The following ZNRF2 variants were observed in gnomAD, a reference collection of about 807,000 sequenced individuals.
ZNRF2 encodes the protein E3 ubiquitin-protein ligase ZNRF2.
Under a neutral mutation model 20.4 loss-of-function variants are expected in ZNRF2, and 16 were observed. That is an observed-to-expected ratio of 0.79 (90% CI 0.53 to 1.19). The LOEUF is 1.19. Among genes scored for constraint, ZNRF2 ranks in the 50% most tolerant of loss-of-function variants. The probability of loss-of-function intolerance (pLI) is 0.00; values close to 1 mark genes in which losing one functional copy is unlikely to be tolerated. For missense variants in ZNRF2, 363 were observed against 332.4 expected (o/e 1.09, Z -0.72); for synonymous variants, 178 against 144.9 (o/e 1.23, Z -1.64).
chr7:30,296,112 A>C (rs1054049519), intron 1 of ZNRF2, among the ~76,000 whole-genome samples: 15 of 152,240 alleles, frequency 9.9e-5, no homozygotes, highest in African/African-American at 2.9e-4. Context: ...GTTTTAAGGT[A>C]AGATTATTAT....
chr7:30,321,870 G>GT (rs1300063283), intron 1 of ZNRF2, among the ~76,000 whole-genome samples: 1 of 152,056 alleles, frequency 6.6e-6, no homozygotes, highest in Non-Finnish European at 1.5e-5. Context: ...GGCCATTATA[G>GT]TTTTTTTGTA....
intron 2 of ZNRF2, among the ~76,000 whole-genome samples, chr7:30,342,490 G>A (rs771162247): frequency 3.3e-5 from 5 of 152,126 alleles, no homozygotes; most frequent in East Asian, 3.8e-4. Flanking sequence ...TTTGTGAAGC[G>A]TAGCTTGACT....
intron 1 of ZNRF2, among the ~76,000 whole-genome samples, chr7:30,292,655 A>G (rs1798932139): frequency 6.6e-6 from 1 of 152,110 alleles, no homozygotes; most frequent in Non-Finnish European, 1.5e-5. Flanking sequence ...TGACAAGGTG[A>G]CAATTCAAGC....
intron 2 of ZNRF2, among the ~76,000 whole-genome samples, chr7:30,339,216 T>TTGCC (rs2127951527): frequency 6.6e-6 from 1 of 152,342 alleles, no homozygotes; most frequent in East Asian, 1.9e-4. Flanking sequence ...ATTCTATAGG[T>TTGCC]TGCCTGTTCA....
At chr7:30,353,722 A>G (rs146221995) in intron 2 of ZNRF2, among the ~76,000 whole-genome samples, 1 of 152,114 alleles carries the variant, frequency 6.6e-6, no homozygotes, top group East Asian at 1.9e-4. Context: ...TCGATGTTGC[A>G]TCATAGTTTG....
rs1460600077 is a variant in ZNRF2, at chr7:30,285,786, C to T, written c.429C>T (p.Ile143=). The T allele has an allele frequency of 3.3e-6, 5 of 1,514,622 alleles. No homozygotes were observed. In the South Asian group the frequency reaches 3.8e-5, roughly 12 times the overall value. 93.8% of individuals were successfully genotyped at this position (1,514,622 alleles called of 1,614,324 possible). Residue 143 remains isoleucine, a synonymous_variant, in exon 1 of 5, where the codon ATC becomes ATT. Coordinates refer to ENST00000323037, the MANE Select transcript of ZNRF2 (RefSeq NM_147128.4). ...GCCCCGGCGGGCCGCGCCTGGTGATCGGCTCCTTACCAGCTCACCTCTCGC... is the reference window on the plus strand; with the variant it reads ...GCCCCGGCGGGCCGCGCCTGGTGATTGGCTCCTTACCAGCTCACCTCTCGC... ...GGSPGGPRLV[I]GSLPAHLSPH...
At chr7:30,315,038 G>C (rs553804846) in intron 1 of ZNRF2, among the ~76,000 whole-genome samples, 1 of 151,924 alleles carries the variant, frequency 6.6e-6, no homozygotes, top group Non-Finnish European at 1.5e-5. Context: ...GGATGGTCTC[G>C]ATCTCCTGAC....
At chr7:30,359,143 C>G (rs1358724812) in intron 3 of ZNRF2, among the ~76,000 whole-genome samples, 3 of 152,062 alleles carry the variant, frequency 2.0e-5, no homozygotes, top group Non-Finnish European at 4.4e-5. Flanking sequence ...TCCAGGTTGA[C>G]TAAATACCTG....
At chr7:30,335,774 G>A (rs1799707190) in intron 2 of ZNRF2, among the ~76,000 whole-genome samples, 2 of 151,984 alleles carry the variant, frequency 1.3e-5, no homozygotes, top group Non-Finnish European at 2.9e-5. Context: ...TTTGGAACTT[G>A]GAATATTTAT....
intron 3 of ZNRF2, among the ~76,000 whole-genome samples, chr7:30,358,112 T>A (rs1000957047): frequency 6.6e-6 from 1 of 152,110 alleles, no homozygotes; most frequent in Non-Finnish European, 1.5e-5. Flanking sequence ...TCAATAAATG[T>A]GAGAAAGCTT....
rs1187232561 is a variant in ZNRF2 at position 30,285,479 on chromosome 7, C to G, written c.122C>G (p.Ala41Gly). The G allele has an allele frequency of 1.0e-4, 110 of 1,095,638 alleles. 2 individuals are homozygous for G. In the African/African-American group the frequency reaches 1.8e-3, roughly 18 times the overall value. The allele number at this position is 1,095,638 out of a possible 1,614,324, so 67.9% of individuals were successfully genotyped here. ...GGGACCGCGGGCGGCGGCGGGGGCG[C>G]TCGGGCCGCCGCCGCGGGGAGGTTC... The part of the protein sequence containing the change: ...ANGTAGGGGG[A>G]RAAAAGRFPA... Residue 41 changes from alanine to glycine, a missense_variant, in exon 1 of 5, where the codon GCT (alanine) becomes GGT (glycine). By Grantham distance (60) the Ala-to-Gly change is moderately conservative. Transcript: ENST00000323037.
intron 1 of ZNRF2, among the ~76,000 whole-genome samples, chr7:30,299,973 C>T (rs868459292): frequency 9.3e-5 from 14 of 151,184 alleles, no homozygotes; most frequent in Admixed American, 2.6e-4. Context: ...TTAATAGAGA[C>T]GGGGTTTTCA....
chr7:30,330,432 A>G (rs952695794), intron 2 of ZNRF2, among the ~76,000 whole-genome samples: 1 of 152,162 alleles, frequency 6.6e-6, no homozygotes, highest in Admixed American at 6.5e-5. Context: ...AAAGCTGCCA[A>G]TTGCTACACT....
At chr7:30,289,744 A>C (rs776616408) in intron 1 of ZNRF2, 1 of 527,064 alleles carries the variant, frequency 1.9e-6, no homozygotes. Flanking sequence ...GGTGAGTTGC[A>C]CAGGGCATCA....
chr7:30,325,472 T>G (rs1021371004), intron 2 of ZNRF2, among the ~76,000 whole-genome samples: 2 of 152,176 alleles, frequency 1.3e-5, no homozygotes, highest in Admixed American at 6.5e-5. Context: ...TAAGAATTAT[T>G]GGTTAAATAA....
intron 2 of ZNRF2, among the ~76,000 whole-genome samples, chr7:30,325,103 G>A (rs1407347682): frequency 1.3e-5 from 2 of 152,038 alleles, no homozygotes; most frequent in East Asian, 3.8e-4. Context: ...TTTAAATGTA[G>A]CCTTGGCATA....
chr7:30,329,678 T>C (rs1799607511), intron 2 of ZNRF2, among the ~76,000 whole-genome samples: 1 of 152,238 alleles, frequency 6.6e-6, no homozygotes, highest in Non-Finnish European at 1.5e-5. Flanking sequence ...TGTTTATAGA[T>C]ACCACGTTTT....
chr7:30,292,541 T>C (rs1475612235), intron 1 of ZNRF2, among the ~76,000 whole-genome samples: 2 of 152,010 alleles, frequency 1.3e-5, no homozygotes, highest in Non-Finnish European at 2.9e-5. Flanking sequence ...GTTAGGGCAT[T>C]GAGTGTAATG....
At chr7:30,312,681 T>G (rs903344052) in intron 1 of ZNRF2, among the ~76,000 whole-genome samples, 34 of 152,224 alleles carry the variant, frequency 2.2e-4, no homozygotes, top group Non-Finnish European at 2.9e-5. Context: ...TTATTCCTTA[T>G]GTTTTTTAGT....
Sources: gnomAD v4.1 joint callset for allele counts (sites outside exome capture counted in the v4.1 genomes callset) on GRCh38, gnomAD v4.1.1 for gene constraint, MANE v1.5 for transcripts, NCBI Gene and HGNC (gene_info 2026-07-23, HGNC 2026-07-21) for gene names.